The following LRRIQ3 variants were observed in gnomAD, a reference collection of about 807,000 sequenced individuals.
LRRIQ3 encodes leucine rich repeats and IQ motif containing 3, also known as leucine-rich repeat and IQ domain-containing protein 3.
LRRIQ3 carries 75 observed loss-of-function variants against 59.3 expected under a neutral mutation model. The observed-to-expected ratio is 1.26, with a 90% CI of 1.05 to 1.53. The LOEUF (loss-of-function observed/expected upper bound fraction) is 1.53, where lower values mean the gene tolerates loss of function less well. Among genes scored for constraint, LRRIQ3 ranks in the 40% most tolerant of loss-of-function variants. The pLI is 0.00. For synonymous variants in LRRIQ3, 250 were observed against 231.3 expected (o/e 1.08, Z -0.73); for missense variants, 831 against 710.0 (o/e 1.17, Z -1.94).
chr1:74,084,080 C>T, intron 5 of LRRIQ3: 1 of 1,202,406 alleles, frequency 8.3e-7, no homozygotes, highest in Non-Finnish European at 1.2e-6. Context: ...AGCTGATATC[C>T]CTAGTGTCCA....
intron 3 of LRRIQ3, among the ~76,000 whole-genome samples, chr1:74,171,676 C>T (rs541144113): frequency 5.9e-5 from 9 of 152,140 alleles, no homozygotes; most frequent in East Asian, 3.9e-4. Flanking sequence ...TAGAAGTGTT[C>T]GCTCTTCTTT....
chr1:74,062,791 T>C (rs1419915469), intron 6 of LRRIQ3, among the ~76,000 whole-genome samples: 1 of 151,918 alleles, frequency 6.6e-6, no homozygotes, highest in Non-Finnish European at 1.5e-5. Flanking sequence ...CAAGTATATA[T>C]GGATACAATG....
intron 5 of LRRIQ3, among the ~76,000 whole-genome samples, chr1:74,094,318 T>G (rs7535929): frequency 0.47 from 71,030 of 151,788 alleles, 18,311 homozygotes; most frequent in East Asian, 0.82. Context: ...TGATTAAGGA[T>G]GTTGAGATGA....
chr1:74,107,357 T>C (rs748109759), intron 5 of LRRIQ3, among the ~76,000 whole-genome samples: 1 of 151,834 alleles, frequency 6.6e-6, no homozygotes, highest in Admixed American at 6.6e-5. Flanking sequence ...TAAATGTTCA[T>C]GTTTTCTCAC....
At chr1:74,104,148 A>T (rs2100549271) in intron 5 of LRRIQ3, among the ~76,000 whole-genome samples, 1 of 152,160 alleles carries the variant, frequency 6.6e-6, no homozygotes, top group South Asian at 2.1e-4. Flanking sequence ...GGAATTATAA[A>T]TTAAAGCAAC....
In LRRIQ3 at chr1:74,182,720, C is replaced by G. The variant is rs1196488780; in HGVS notation, c.391G>C (p.Asp131His). 6.2e-7 allele frequency: 1 copy of G among 1,612,544 alleles called. No homozygotes were observed. The highest frequency in any genetic ancestry group is 1.7e-5 in the Admixed American group (1 of 59,924). ...CPTLIALTMF[D>H]CPVSLKKGYR... ...CCTTTTTTAAGGCTTACTGGACAAT[C>G]AAACATAGTGAGGGCAATGAGGGTT... Residue 131 changes from aspartate (D) to histidine (H), a missense_variant, in exon 3 of 8, where the codon GAT (aspartate) becomes CAT (histidine). Physicochemically the swap from Asp to His is moderately conservative, Grantham distance 81. Coordinates refer to ENST00000354431, the MANE Select transcript of LRRIQ3 (RefSeq NM_001105659.2).
chr1:74,052,240 A>G (rs1654392965), intron 6 of LRRIQ3, among the ~76,000 whole-genome samples: 1 of 152,074 alleles, frequency 6.6e-6, no homozygotes, highest in African/African-American at 2.4e-5. Context: ...TTTGGATCTA[A>G]CTTTCTCTTT....
intron 3 of LRRIQ3, among the ~76,000 whole-genome samples, chr1:74,161,920 T>C (rs1225009458): frequency 6.6e-6 from 1 of 151,840 alleles, no homozygotes; most frequent in East Asian, 1.9e-4. Context: ...AGGAATCCTC[T>C]TTGTAAAATA....
At chr1:74,197,314 A>G (rs2100755625) in intron 1 of LRRIQ3, among the ~76,000 whole-genome samples, 1 of 152,318 alleles carries the variant, frequency 6.6e-6, no homozygotes, top group South Asian at 2.1e-4. Flanking sequence ...GAAATACCAC[A>G]AGTTCTGGGT....
At chr1:74,154,001 G>C (rs959655544) in intron 4 of LRRIQ3, among the ~76,000 whole-genome samples, 1 of 151,852 alleles carries the variant, frequency 6.6e-6, no homozygotes, top group African/African-American at 2.4e-5. Context: ...CAGCACTTTG[G>C]GGGGCCGAGG....
chr1:74,064,879 A>G (rs2100453675), intron 6 of LRRIQ3, among the ~76,000 whole-genome samples: 1 of 152,014 alleles, frequency 6.6e-6, no homozygotes, highest in Admixed American at 6.6e-5. Flanking sequence ...TTTGTTCTTA[A>G]TATTTTGATT....
At chr1:74,036,384 C>T (rs1418122110) in intron 7 of LRRIQ3, among the ~76,000 whole-genome samples, 1 of 152,134 alleles carries the variant, frequency 6.6e-6, no homozygotes, top group Non-Finnish European at 1.5e-5. Context: ...AGGTCATACC[C>T]TTTTCTTTTT....
At chr1:74,195,049 CA>C (rs1271762335) in intron 1 of LRRIQ3, among the ~76,000 whole-genome samples, 8 of 151,916 alleles carry the variant, frequency 5.3e-5, no homozygotes, top group African/African-American at 1.9e-4. Context: ...AATAAAAGTT[CA>C]GGGGTGGGAG....
At chr1:74,148,608 C>T (rs1199617735) in intron 4 of LRRIQ3, among the ~76,000 whole-genome samples, 2 of 152,132 alleles carry the variant, frequency 1.3e-5, no homozygotes, top group East Asian at 3.9e-4. Flanking sequence ...TGGAGCTTTC[C>T]TTGAGGAACC....
chr1:74,092,329 T>C (rs1431505438), intron 5 of LRRIQ3, among the ~76,000 whole-genome samples: 2 of 152,238 alleles, frequency 1.3e-5, no homozygotes, highest in East Asian at 1.9e-4. Context: ...TCATTTTAGA[T>C]CTTTATTACA....
intron 6 of LRRIQ3, among the ~76,000 whole-genome samples, chr1:74,060,695 T>C (rs538892330): frequency 6.6e-6 from 1 of 151,918 alleles, no homozygotes; most frequent in South Asian, 2.1e-4. Flanking sequence ...GTGGGCAACA[T>C]AGCAAGACCC....
At chr1:74,181,133 G>A (rs1649952295) in intron 3 of LRRIQ3, 1 of 230,660 alleles carries the variant, frequency 4.3e-6, no homozygotes, top group African/African-American at 2.3e-5. Context: ...AATGTATAAA[G>A]CGCCTACCAC....
At chr1:74,076,184 C>G (rs923409596) in intron 5 of LRRIQ3, among the ~76,000 whole-genome samples, 10 of 152,060 alleles carry the variant, frequency 6.6e-5, no homozygotes, top group African/African-American at 1.2e-4. Flanking sequence ...AAAAAACTTT[C>G]TCGGGATATG....
chr1:74,109,289 TGAA>T (rs1266159208), intron 5 of LRRIQ3, 102 bp downstream of exon 5: 1 of 810,198 alleles, frequency 1.2e-6, no homozygotes, highest in Non-Finnish European at 2.0e-6. Context: ...AACAATGTAA[TGAA>T]GGACATTTAA....
Sources: gnomAD v4.1 joint callset for allele counts (sites outside exome capture counted in the v4.1 genomes callset) on GRCh38, gnomAD v4.1.1 for gene constraint, MANE v1.5 for transcripts, NCBI Gene and HGNC (gene_info 2026-07-23, HGNC 2026-07-21) for gene names.